Variants in TMTC1 observed in about 807,000 individuals in gnomAD.
TMTC1 encodes transmembrane O-mannosyltransferase targeting cadherins 1, also known as protein O-mannosyl-transferase TMTC1.
In TMTC1, 73 loss-of-function variants were observed where a neutral mutation model predicts 104.8. The ratio of observed to expected loss-of-function variants is 0.70; its 90% CI spans 0.58 to 0.85. The LOEUF (loss-of-function observed/expected upper bound fraction) is 0.85. Among genes scored for constraint, TMTC1 ranks in the 40% least tolerant of loss-of-function variants. The pLI is 0.00. For missense variants in TMTC1, 1,035 were observed against 1,096.1 expected, an observed-to-expected ratio of 0.94 and a Z score of 0.79; for synonymous variants, 434 against 428.7, an observed-to-expected ratio of 1.01 and a Z score of -0.15.
chr12:29,607,653 A>G (rs577452355), intron 6 of TMTC1, among the ~76,000 whole-genome samples: 27 of 152,288 alleles, frequency 1.8e-4, no homozygotes, highest in African/African-American at 6.3e-4. Flanking sequence ...AGGGTCCCTT[A>G]TGCATAGAAA....
rs565329585 is a variant in TMTC1 at position 29,563,138 on chromosome 12, C to G, written c.1533-6138G>C. Among the ~76,000 whole-genome samples, 6 of 152,310 alleles carry G rather than the reference C, an allele frequency of 3.9e-5. No homozygotes were observed. The South Asian group carries it at 1.2e-3, about 32-fold the overall frequency. On this transcript the variant is annotated intron_variant, in intron 9 of 17. Coordinates refer to ENST00000539277, the MANE Select transcript of TMTC1 (RefSeq NM_001193451.2). Reference sequence around the variant, plus strand: ...TTAAGAATGTAGGAATGTTCTTTGTCCAGCACTCCCTCCAAAGCCTGTCAA... The same window carrying G: ...TTAAGAATGTAGGAATGTTCTTTGTGCAGCACTCCCTCCAAAGCCTGTCAA...
rs1299228348 is a variant in TMTC1 at position 29,503,396 on chromosome 12, TA to T, written c.*3449del. 2 of 152,192 alleles carry T rather than the reference TA, an allele frequency of 1.3e-5. No individual in the cohort carries two copies. The highest frequency in any genetic ancestry group is 4.8e-5 in the African/African-American group (2 of 41,450). 9.4% of individuals were successfully genotyped at this position (152,192 alleles called of 1,614,324 possible). On this transcript the variant is annotated 3_prime_UTR_variant, in exon 18 of 18. Coordinates refer to ENST00000539277, the MANE Select transcript of TMTC1 (RefSeq NM_001193451.2). ...ACAGATTGAAAGCATCTGAATCATT[TA>T]AAAAATCCTGAATGAATAATTCATA... is the stretch of plus-strand genomic sequence containing the variant.
At chr12:29,507,040 C>CG in intron 17 of TMTC1, 54 bp from the exon 18 acceptor site, 1 of 1,514,046 alleles carries the variant, frequency 6.6e-7, no homozygotes, top group East Asian at 2.3e-5. Context: ...AAAACTCTCT[C>CG]AGAGAATGAA....
chr12:29,525,597 T>TTA (rs398019053), intron 11 of TMTC1, among the ~76,000 whole-genome samples: 1 of 151,556 alleles, frequency 6.6e-6, no homozygotes, highest in Non-Finnish European at 1.5e-5. Flanking sequence ...TTTTTTTTTT[T>TTA]AAATCTAGCG....
chr12:29,597,703 T>C lies in TMTC1; in HGVS notation c.1250+6475A>G, dbSNP rs557438438. ...ACCCTTTTTACAGAGCTATGCTGAA[T>C]CACAAAACAGTTAAAATTTGGAGTG... On this transcript the variant is annotated intron_variant, in intron 7 of 17. Transcript: ENST00000539277. 1.3e-4 allele frequency among the ~76,000 whole-genome samples: 19 copies of C among 151,608 alleles called. No homozygotes were observed. In the South Asian group the frequency reaches 4.0e-3, roughly 32 times the overall value.
At chr12:29,666,093 T>C in intron 5 of TMTC1, 1 of 389,532 alleles carries the variant, frequency 2.6e-6, no homozygotes, top group Non-Finnish European at 4.9e-6. Flanking sequence ...CACCTTAAGG[T>C]TTTCCTTACA....
chr12:29,540,118 G>A (rs1043311796), intron 10 of TMTC1, among the ~76,000 whole-genome samples: 14 of 152,072 alleles, frequency 9.2e-5, no homozygotes, highest in Non-Finnish European at 1.8e-4. Flanking sequence ...GCCCCATTCT[G>A]ACATCTATAT....
intron 5 of TMTC1, among the ~76,000 whole-genome samples, chr12:29,725,373 G>T (rs952273853): frequency 6.6e-6 from 1 of 151,032 alleles, no homozygotes; most frequent in African/African-American, 2.4e-5. Flanking sequence ...TTCGCTTTTT[G>T]CCCAGGCTGG....
At chr12:29,556,213 C>A (rs1337673149) in intron 10 of TMTC1, among the ~76,000 whole-genome samples, 2 of 151,882 alleles carry the variant, frequency 1.3e-5, no homozygotes, top group South Asian at 2.1e-4. Flanking sequence ...ACACTATCAA[C>A]CTTTATCAGG....
intron 5 of TMTC1, among the ~76,000 whole-genome samples, chr12:29,745,675 CAT>C (rs1425547546): frequency 6.1e-5 from 9 of 146,808 alleles, no homozygotes; most frequent in Non-Finnish European, 1.3e-4. Context: ...CTCAGCAATG[CAT>C]ATGGATAAAG....
rs571531991 is a variant in TMTC1, at chr12:29,582,255, C to T, written c.1418+1152G>A. Among the ~76,000 whole-genome samples, 6 of 152,272 alleles carry T rather than the reference C, an allele frequency of 3.9e-5. No individual in the cohort carries two copies. In the South Asian group the frequency reaches 1.2e-3, roughly 32 times the overall value. ...TCACTCATTCATTCATATTTGGCAGCCCAGAGATTATTCCCCCTTCTTACA... is the reference window on the plus strand; with the variant it reads ...TCACTCATTCATTCATATTTGGCAGTCCAGAGATTATTCCCCCTTCTTACA... On this transcript the variant is annotated intron_variant, in intron 8 of 17. Coordinates refer to ENST00000539277, the MANE Select transcript of TMTC1 (RefSeq NM_001193451.2).
At chr12:29,740,043 G>T (rs1434774850) in intron 5 of TMTC1, among the ~76,000 whole-genome samples, 1 of 152,042 alleles carries the variant, frequency 6.6e-6, no homozygotes, top group African/African-American at 2.4e-5. Context: ...AAGGGATGAG[G>T]TCTCACACTG....
rs535867128 is a variant in TMTC1 at position 29,507,378 on chromosome 12, T to C, written c.2509-392A>G. Among the ~76,000 whole-genome samples, 6 of 152,170 alleles carry C rather than the reference T, an allele frequency of 3.9e-5. No homozygotes were observed. In the East Asian group the frequency reaches 7.7e-4, roughly 20 times the overall value. Reference sequence around the variant, plus strand: ...GTGGAGGGGATGGGAGAATGAGAGATGAGAAAATGTTTTTAAAACTGCAAG... The same window carrying C: ...GTGGAGGGGATGGGAGAATGAGAGACGAGAAAATGTTTTTAAAACTGCAAG... On this transcript the variant is annotated intron_variant, in intron 17 of 17. Coordinates refer to ENST00000539277, the MANE Select transcript of TMTC1 (RefSeq NM_001193451.2).
chr12:29,726,687 A>C (rs12317831), intron 5 of TMTC1, among the ~76,000 whole-genome samples: 12,978 of 152,132 alleles, frequency 0.085, 649 homozygotes, highest in Middle Eastern at 0.14. Context: ...CCCTTTAACA[A>C]TCCAAAAATT....
intron 5 of TMTC1, among the ~76,000 whole-genome samples, chr12:29,636,902 A>C (rs1170961387): frequency 1.3e-5 from 2 of 151,822 alleles, no homozygotes; most frequent in Non-Finnish European, 1.5e-5. Flanking sequence ...AAAAAAAAAA[A>C]AAACTTAGCT....
Position 29,633,036 on chromosome 12 carries a change from C to T in TMTC1, c.1128+111G>A, listed in dbSNP as rs1409594339. On this transcript the variant is annotated intron_variant, in intron 6 of 17. Transcript: ENST00000539277. ...ACCCGCTACAAAAAATTTACATAGA[C>T]AAGGAGAGGAGATTCAATTTACACC... The T allele has an allele frequency of 9.0e-6, 9 of 997,940 alleles. No individual in the cohort carries two copies. The African/African-American group carries it at 1.3e-4, about 14-fold the overall frequency. 61.8% of individuals were successfully genotyped at this position (997,940 alleles called of 1,614,324 possible). A position where few individuals can be genotyped will look rare whatever the true frequency, so the allele number is the denominator to read the frequency against.
intron 5 of TMTC1, among the ~76,000 whole-genome samples, chr12:29,712,153 C>T (rs900799988): frequency 7.2e-5 from 11 of 152,138 alleles, no homozygotes; most frequent in African/African-American, 2.7e-4. Flanking sequence ...GAAGAAAGTT[C>T]CCCAAATTAA....
intron 5 of TMTC1, among the ~76,000 whole-genome samples, chr12:29,709,038 T>C (rs1941829819): frequency 6.6e-6 from 1 of 152,028 alleles, no homozygotes; most frequent in South Asian, 2.1e-4. Flanking sequence ...TGAACAAGAG[T>C]CAAATGCCAA....
chr12:29,655,482 G>A (rs1323936818), intron 5 of TMTC1, among the ~76,000 whole-genome samples: 1 of 152,112 alleles, frequency 6.6e-6, no homozygotes, highest in Non-Finnish European at 1.5e-5. Context: ...ATTCTAAGAT[G>A]ACAACGTTGT....
Sources: gnomAD v4.1 joint callset for allele counts (sites outside exome capture counted in the v4.1 genomes callset) on GRCh38, gnomAD v4.1.1 for gene constraint, MANE v1.5 for transcripts, NCBI Gene and HGNC (gene_info 2026-07-23, HGNC 2026-07-21) for gene names.